C1QL3: variants seen among roughly 807,000 people sequenced by gnomAD.
C1QL3 encodes the protein complement C1q like 3, also known as complement C1q-like protein 3.
In C1QL3, 4 loss-of-function variants were observed where a neutral mutation model predicts 16.6. The observed-to-expected ratio is 0.24, with a 90% CI of 0.12 to 0.55. The LOEUF is 0.55. C1QL3 is among the 20% of genes least tolerant of loss of function. C1QL3 has a pLI of 0.94. For synonymous variants in C1QL3, 189 were observed against 160.2 expected, an observed-to-expected ratio of 1.18 and a Z score of -1.36; for missense variants, 269 against 365.6, an observed-to-expected ratio of 0.74 and a Z score of 2.16.
intron 1 of C1QL3, among the ~76,000 whole-genome samples, chr10:16,516,945 A>G (rs1313083378): frequency 6.6e-6 from 1 of 152,182 alleles, no homozygotes; most frequent in Non-Finnish European, 1.5e-5. Flanking sequence ...GCCATACTCC[A>G]GTGTACCTGG....
intron 1 of C1QL3, among the ~76,000 whole-genome samples, chr10:16,515,422 A>G (rs537124567): frequency 6.6e-6 from 1 of 152,230 alleles, no homozygotes; most frequent in South Asian, 2.1e-4. Context: ...TCAAGAATTT[A>G]ACCTCAACAT....
rs1020678411 is a variant in C1QL3, at chr10:16,521,372, C to T, written c.-307G>A. ...GGGAGGGGTGCGCGGGGCGCCCTCGCCCCCCGCGAGCTCCTTCGCACCTGT... is the reference window on the plus strand; with the variant it reads ...GGGAGGGGTGCGCGGGGCGCCCTCGTCCCCCGCGAGCTCCTTCGCACCTGT... On this transcript the variant is annotated 5_prime_UTR_variant, in exon 1 of 2. Coordinates refer to ENST00000298943, the MANE Select transcript of C1QL3 (RefSeq NM_001010908.2). 4 of 258,356 alleles carry T rather than the reference C, an allele frequency of 1.5e-5. No individual in the cohort carries two copies. The highest frequency in any genetic ancestry group is 2.2e-5 in the African/African-American group (1 of 44,532). 16.0% of individuals were successfully genotyped at this position (258,356 alleles called of 1,614,324 possible).
Position 16,520,463 on chromosome 10 carries a change from C to T in C1QL3, c.588+15G>A. On this transcript the variant is annotated intron_variant, in intron 1 of 1. Coordinates refer to ENST00000298943, the MANE Select transcript of C1QL3 (RefSeq NM_001010908.2). This position sits in a 1 kb window ranked among gnomAD's most constrained non-coding sequence, Gnocchi z 8.3. ...CGCTCCCTCCCCGCCCTCCCCGCCG[C>T]CCGCCCGCGCTCACCTGGTTGTTTT... is the stretch of plus-strand genomic sequence containing the variant. 2.0e-6 allele frequency: 3 copies of T among 1,514,518 alleles called. No homozygotes were observed. The highest frequency in any genetic ancestry group is 2.7e-6 in the Non-Finnish European group (3 of 1,117,280). 93.8% of individuals were successfully genotyped at this position (1,514,518 alleles called of 1,614,324 possible).
Position 16,520,412 on chromosome 10 carries a change from T to C in C1QL3, c.588+66A>G. 8.0e-7 allele frequency: 1 copy of C among 1,251,538 alleles called. No individual in the cohort carries two copies. The allele number at this position is 1,251,538 out of a possible 1,614,324, so 77.5% of individuals were successfully genotyped here. A position where few individuals can be genotyped will look rare whatever the true frequency, so the allele number is the denominator to read the frequency against. ...GGCTCCCACCCCCATTTCCGGGGTC[T>C]CCTCCCTCTCGCCCGCACCTTCCCG... On this transcript the variant is annotated intron_variant, in intron 1 of 1. Coordinates refer to ENST00000298943, the MANE Select transcript of C1QL3 (RefSeq NM_001010908.2). This position sits in a 1 kb window ranked among gnomAD's most constrained non-coding sequence, Gnocchi z 8.3.
Position 16,521,464 on chromosome 10 carries a change from G to A in C1QL3, c.-399C>T, listed in dbSNP as rs553841760. On this transcript the variant is annotated 5_prime_UTR_variant, in exon 1 of 2. Transcript: ENST00000298943. Reference sequence around the variant, plus strand: ...CAGCCGCCGCCTCCTGAGCTCGCCCGGGCAGCTCACACTTTTATGCCGCCG... The same window carrying A: ...CAGCCGCCGCCTCCTGAGCTCGCCCAGGCAGCTCACACTTTTATGCCGCCG... 3 of 168,158 alleles carry A rather than the reference G, an allele frequency of 1.8e-5. No homozygotes were observed. The highest frequency in any genetic ancestry group is 6.4e-5 in the Admixed American group (1 of 15,696). The allele number at this position is 168,158 out of a possible 1,614,324, so 10.4% of individuals were successfully genotyped here.
In C1QL3 at chr10:16,521,481, A is replaced by C; in HGVS notation, c.-416T>G. On this transcript the variant is annotated 5_prime_UTR_variant, in exon 1 of 2. Transcript: ENST00000298943. ...GCTCGCCCGGGCAGCTCACACTTTTATGCCGCCGCCGCCTGCGATCGACTT... is the reference window on the plus strand; with the variant it reads ...GCTCGCCCGGGCAGCTCACACTTTTCTGCCGCCGCCGCCTGCGATCGACTT... 5.7e-5 allele frequency: 9 copies of C among 159,204 alleles called. No individual in the cohort carries two copies. Among genetic ancestry groups the C allele is most frequent in the Middle Eastern group, 3.0e-3 (1 of 334 alleles). 9.9% of individuals were successfully genotyped at this position (159,204 alleles called of 1,614,324 possible).
At position 16,521,050 on chromosome 10, in the gene C1QL3, CCAG is replaced by C. The variant is rs1278390122; in HGVS notation, c.13_15del (p.Leu5del). On this transcript the variant is annotated inframe_deletion, in exon 1 of 2. Transcript: ENST00000298943. Reference sequence around the variant, plus strand: ...CTCACCAGCACCGGGATGAGGATCACCAGCAGCAGCACCATCACCACCCCCAGC... The same window carrying C: ...CTCACCAGCACCGGGATGAGGATCACCAGCAGCACCATCACCACCCCCAGC... 6.3e-7 allele frequency: 1 copy of C among 1,599,800 alleles called. No individual in the cohort carries two copies. Among genetic ancestry groups the C allele is most frequent in the Non-Finnish European group, 8.5e-7 (1 of 1,178,214 alleles).
chr10:16,521,166 A>G lies in C1QL3; in HGVS notation c.-101T>C. On this transcript the variant is annotated 5_prime_UTR_variant, in exon 1 of 2. Transcript: ENST00000298943. ...TTGTCTGCTTTTGGACAGAATTTTG[A>G]AGGTTGGGCGGGGACCTCTTCAGAG... 8.5e-7 allele frequency: 1 copy of G among 1,169,708 alleles called. No individual in the cohort carries two copies. The highest frequency in any genetic ancestry group is 1.2e-6 in the Non-Finnish European group (1 of 831,228). The allele number at this position is 1,169,708 out of a possible 1,614,324, so 72.5% of individuals were successfully genotyped here. A position where few individuals can be genotyped will look rare whatever the true frequency, so the allele number is the denominator to read the frequency against.
Position 16,521,130 on chromosome 10 carries a change from G to C in C1QL3, c.-65C>G, listed in dbSNP as rs1837035507. The C allele has an allele frequency of 9.1e-6, 13 of 1,429,038 alleles. No individual in the cohort carries two copies. Among genetic ancestry groups the C allele is most frequent in the Non-Finnish European group, 3.8e-6 (4 of 1,049,298 alleles). 88.5% of individuals were successfully genotyped at this position (1,429,038 alleles called of 1,614,324 possible). On this transcript the variant is annotated 5_prime_UTR_variant, in exon 1 of 2. Transcript: ENST00000298943. Reference sequence around the variant, plus strand: ...GCTGCCCACCAGCCGGCTCAGCGCGGGGCGATCCTCTTGTCTGCTTTTGGA... The same window carrying C: ...GCTGCCCACCAGCCGGCTCAGCGCGCGGCGATCCTCTTGTCTGCTTTTGGA...
chr10:16,521,049 AC>A lies in C1QL3; in HGVS notation c.16del (p.Val6Ter). On this transcript the variant is annotated frameshift_variant, in exon 1 of 2. Transcript: ENST00000298943. LOFTEE classifies it high-confidence loss of function. MVLLL[V>X]ILIPVLVSSA... ...GCTCACCAGCACCGGGATGAGGATC[AC>A]CAGCAGCAGCACCATCACCACCCCC... 1 of 1,599,896 alleles carries A rather than the reference AC, an allele frequency of 6.3e-7. No individual in the cohort carries two copies. The highest frequency in any genetic ancestry group is 2.2e-5 in the East Asian group (1 of 44,554).
In C1QL3 at chr10:16,520,826, C is replaced by A; in HGVS notation, c.240G>T (p.Glu80Asp). 1.5e-6 allele frequency: 2 copies of A among 1,366,438 alleles called. No homozygotes were observed. Among genetic ancestry groups the A allele is most frequent in the South Asian group, 3.5e-5 (2 of 57,778 alleles). 84.6% of individuals were successfully genotyped at this position (1,366,438 alleles called of 1,614,324 possible). A position where few individuals can be genotyped will look rare whatever the true frequency, so the allele number is the denominator to read the frequency against. ...GKAGPRGPPG[E>D]PGPPGPMGPP... ...GCCCCATGGGGCCGGGTGGCCCGGGCTCTCCGGGGGGCCCGCGCGGACCCG... is the reference window on the plus strand; with the variant it reads ...GCCCCATGGGGCCGGGTGGCCCGGGATCTCCGGGGGGCCCGCGCGGACCCG... The change falls in exon 1 of 2, where the codon GAG (glutamate) becomes GAT (aspartate). Residue 80 changes from glutamate to aspartate, a missense_variant. Glu to Asp is a conservative substitution (Grantham distance 45, BLOSUM62 2). Transcript: ENST00000298943. The surrounding 1 kb of genome is among the most constrained non-coding windows in gnomAD (Gnocchi z 8.3).
intron 1 of C1QL3, among the ~76,000 whole-genome samples, chr10:16,515,030 C>A (rs1040816982): frequency 4.6e-5 from 7 of 152,054 alleles, no homozygotes; most frequent in Non-Finnish European, 8.8e-5. Flanking sequence ...TCCCTATGCC[C>A]AATCACATTT....
At chr10:16,515,512 AAT>A (rs1487444399) in intron 1 of C1QL3, among the ~76,000 whole-genome samples, 2 of 152,212 alleles carry the variant, frequency 1.3e-5, no homozygotes, top group African/African-American at 4.8e-5. Context: ...GATTTCGTTG[AAT>A]ATCCACTTAC....
chr10:16,514,754 A>G lies in C1QL3; in HGVS notation c.589-47T>C, dbSNP rs750047819. Reference sequence around the variant, plus strand: ...TAGGATGCGTAAATGAGAATTCTCAAGTTTTCTTTTTTGCCATTCATGTAG... The same window carrying G: ...TAGGATGCGTAAATGAGAATTCTCAGGTTTTCTTTTTTGCCATTCATGTAG... On this transcript the variant is annotated intron_variant, in intron 1 of 1. Transcript: ENST00000298943. 4 of 1,488,282 alleles carry G rather than the reference A, an allele frequency of 2.7e-6. No individual in the cohort carries two copies. The African/African-American group carries it at 5.6e-5, about 21-fold the overall frequency. The allele number at this position is 1,488,282 out of a possible 1,614,324, so 92.2% of individuals were successfully genotyped here.
intron 1 of C1QL3, among the ~76,000 whole-genome samples, chr10:16,519,912 G>C (rs1386957599): frequency 3.9e-5 from 6 of 152,134 alleles, no homozygotes; most frequent in African/African-American, 7.2e-5. Flanking sequence ...TGAGTTTCAC[G>C]GCCTGGGACA....
Position 16,520,445 on chromosome 10 carries a change from T to TACCC in C1QL3, c.588+32_588+33insGGGT. 1 of 527,494 alleles carries TACCC rather than the reference T, an allele frequency of 1.9e-6. No individual in the cohort carries two copies. The highest frequency in any genetic ancestry group is 3.2e-6 in the Non-Finnish European group (1 of 309,180). The allele number at this position is 527,494 out of a possible 1,614,324, so 32.7% of individuals were successfully genotyped here. A position where few individuals can be genotyped will look rare whatever the true frequency, so the allele number is the denominator to read the frequency against. The stretch of plus-strand genomic sequence containing the variant: ...CTCGCCCGCACCTTCCCGCGCTCCC[T>TACCC]CCCCGCCCTCCCCGCCGCCCGCCCG... On this transcript the variant is annotated intron_variant, in intron 1 of 1. Coordinates refer to ENST00000298943, the MANE Select transcript of C1QL3 (RefSeq NM_001010908.2). The surrounding 1 kb of genome is among the most constrained non-coding windows in gnomAD (Gnocchi z 8.3).
Position 16,514,509 on chromosome 10 carries a change from A to C in C1QL3, c.*19T>G. On this transcript the variant is annotated 3_prime_UTR_variant, in exon 2 of 2. Coordinates refer to ENST00000298943, the MANE Select transcript of C1QL3 (RefSeq NM_001010908.2). ...ATCCAGTGTTCAAACTCAGAATAAT[A>C]AGCTTAGTTTCTGCATTATCAGTCA... 6.2e-7 allele frequency: 1 copy of C among 1,605,578 alleles called. No individual in the cohort carries two copies.
chr10:16,519,927 A>G (rs553712853), intron 1 of C1QL3, among the ~76,000 whole-genome samples: 1 of 152,226 alleles, frequency 6.6e-6, no homozygotes, highest in South Asian at 2.1e-4. Context: ...GGGACACCGC[A>G]AGGACTCGGC....
Position 16,520,646 on chromosome 10 carries a change from G to A in C1QL3, c.420C>T (p.Tyr140=). ...YAGLKRQHEG[Y]EVLKFDDVVT... is the part of the protein sequence containing the mutation. ...CCACGTCGTCGAACTTGAGCACCTC[G>A]TAGCCTTCATGCTGCCGCTTGAGGC... Residue 140 remains tyrosine (Y), a synonymous_variant, in exon 1 of 2, where the codon TAC becomes TAT. Transcript: ENST00000298943. The surrounding 1 kb of genome is among the most constrained non-coding windows in gnomAD (Gnocchi z 8.3). 6.2e-7 allele frequency: 1 copy of A among 1,612,156 alleles called. No homozygotes were observed. The highest frequency in any genetic ancestry group is 8.5e-7 in the Non-Finnish European group (1 of 1,179,152).
Sources: gnomAD v4.1 joint callset for allele counts (sites outside exome capture counted in the v4.1 genomes callset) on GRCh38, gnomAD v4.1.1 for gene constraint, Gnocchi (gnomAD v3.1) non-coding constraint, MANE v1.5 for transcripts, NCBI Gene and HGNC (gene_info 2026-07-23, HGNC 2026-07-21) for gene names.